PPM1L: variants seen among roughly 807,000 people sequenced by gnomAD.
The protein encoded by PPM1L is protein phosphatase 1L.
PPM1L carries 13 observed loss-of-function variants against 31.4 expected under a neutral mutation model. That is an observed-to-expected ratio of 0.41 (90% CI 0.27 to 0.66). PPM1L has a LOEUF of 0.66. PPM1L is among the 30% of genes least tolerant of loss of function. The pLI is 0.29. For missense variants in PPM1L, 326 were observed against 453.7 expected (o/e 0.72, Z 2.56); for synonymous variants, 184 against 175.4 (o/e 1.05, Z -0.39).
At chr3:161,053,733 C>A (rs1719337122) in intron 2 of PPM1L, among the ~76,000 whole-genome samples, 1 of 152,070 alleles carries the variant, frequency 6.6e-6, no homozygotes, top group Admixed American at 6.6e-5. Context: ...GGCACTCATC[C>A]CCTGTTTCTC....
intron 2 of PPM1L, among the ~76,000 whole-genome samples, chr3:161,019,825 T>C (rs1718190544): frequency 6.6e-6 from 1 of 152,066 alleles, no homozygotes; most frequent in South Asian, 2.1e-4. Flanking sequence ...TAAACGAAGC[T>C]AACTATAAAA....
chr3:160,981,911 C>T (rs1169314895), intron 2 of PPM1L, among the ~76,000 whole-genome samples: 3 of 151,934 alleles, frequency 2.0e-5, no homozygotes, highest in African/African-American at 4.8e-5. Flanking sequence ...TACAGGTGCA[C>T]ACCACCACAC....
intron 1 of PPM1L, among the ~76,000 whole-genome samples, chr3:160,910,064 A>G (rs1713901769): frequency 1.3e-5 from 2 of 152,174 alleles, no homozygotes; most frequent in Admixed American, 1.3e-4. Flanking sequence ...TCACAAGTGA[A>G]AGAAGGGTCT....
intron 2 of PPM1L, among the ~76,000 whole-genome samples, chr3:160,997,395 ATC>A (rs1717356801): frequency 2.0e-5 from 3 of 152,214 alleles, no homozygotes; most frequent in Non-Finnish European, 4.4e-5. Context: ...CAAATATGAT[ATC>A]TATCCACTGG....
At chr3:160,865,420 A>G (rs1337858898) in intron 1 of PPM1L, among the ~76,000 whole-genome samples, 1 of 152,222 alleles carries the variant, frequency 6.6e-6, no homozygotes, top group Non-Finnish European at 1.5e-5. Flanking sequence ...ACTTTAAAAA[A>G]TATCTTTTGC....
At chr3:160,766,470 G>T (rs1715103968) in intron 1 of PPM1L, among the ~76,000 whole-genome samples, 1 of 152,126 alleles carries the variant, frequency 6.6e-6, no homozygotes. Context: ...GTTCTCATGA[G>T]ATCTGATGGT....
chr3:160,957,496 C>T (rs1321435951), intron 1 of PPM1L, among the ~76,000 whole-genome samples: 1 of 151,982 alleles, frequency 6.6e-6, no homozygotes, highest in African/African-American at 2.4e-5. Context: ...TCCACAATGG[C>T]TGAACTAATT....
At chr3:160,890,505 ATCC>A (rs985028359) in intron 1 of PPM1L, among the ~76,000 whole-genome samples, 2 of 152,222 alleles carry the variant, frequency 1.3e-5, no homozygotes, top group African/African-American at 4.8e-5. Context: ...AAAACATTTC[ATCC>A]TCATGGATAG....
At chr3:161,026,356 A>C (rs1297255624) in intron 2 of PPM1L, among the ~76,000 whole-genome samples, 1 of 152,154 alleles carries the variant, frequency 6.6e-6, no homozygotes, top group African/African-American at 2.4e-5. Flanking sequence ...AGCTGGGAAG[A>C]CCTCTCAGAA....
intron 1 of PPM1L, among the ~76,000 whole-genome samples, chr3:160,862,906 A>C (rs1043258439): frequency 2.0e-5 from 3 of 152,204 alleles, no homozygotes; most frequent in Non-Finnish European, 4.4e-5. Flanking sequence ...AATTTATTAT[A>C]AATTATAGGT....
chr3:161,037,506 C>A (rs1228042140), intron 2 of PPM1L, among the ~76,000 whole-genome samples: 1 of 150,128 alleles, frequency 6.7e-6, no homozygotes, highest in Non-Finnish European at 1.5e-5. Flanking sequence ...CCTCCACCTC[C>A]CAGGTTCAAG....
intron 1 of PPM1L, among the ~76,000 whole-genome samples, chr3:160,895,520 C>T (rs1194079530): frequency 1.3e-5 from 2 of 152,126 alleles, no homozygotes; most frequent in African/African-American, 2.4e-5. Context: ...GCCCAGCCCA[C>T]CTGCTGTTTT....
intron 2 of PPM1L, among the ~76,000 whole-genome samples, chr3:161,017,239 C>T (rs1718112068): frequency 6.6e-6 from 1 of 152,026 alleles, no homozygotes; most frequent in Admixed American, 6.6e-5. Context: ...ATTTTAAAAT[C>T]AGTGCCATGG....
At chr3:160,773,196 G>C (rs930025730) in intron 1 of PPM1L, among the ~76,000 whole-genome samples, 4 of 152,198 alleles carry the variant, frequency 2.6e-5, no homozygotes, top group Non-Finnish European at 5.9e-5. Context: ...CATTGTAGTA[G>C]GTGTGAAGCA....
At chr3:160,855,830 T>C (rs1029305019) in intron 1 of PPM1L, among the ~76,000 whole-genome samples, 4 of 152,076 alleles carry the variant, frequency 2.6e-5, no homozygotes, top group Admixed American at 6.6e-5. Flanking sequence ...AAAACAGAAC[T>C]CCCATTCGAC....
intron 1 of PPM1L, among the ~76,000 whole-genome samples, chr3:160,774,624 G>A (rs1263945678): frequency 1.3e-5 from 2 of 152,058 alleles, no homozygotes; most frequent in Non-Finnish European, 2.9e-5. Flanking sequence ...GCAAAAGTCC[G>A]CACTACAGCA....
chr3:161,022,921 C>T (rs1157446276), intron 2 of PPM1L, among the ~76,000 whole-genome samples: 1 of 152,128 alleles, frequency 6.6e-6, no homozygotes, highest in Non-Finnish European at 1.5e-5. Context: ...GCCTTGGCCT[C>T]CCAAAGTGCT....
chr3:161,065,295 A>C, intron 2 of PPM1L, 108 bp from the exon 3 acceptor site: 1 of 1,078,260 alleles, frequency 9.3e-7, no homozygotes, highest in East Asian at 2.4e-5. Flanking sequence ...TCAAATTCTC[A>C]CCCAGCAGAA....
rs564739299 is a variant in PPM1L, at chr3:160,985,772, G to A, written c.574+23862G>A. 2.0e-5 allele frequency among the ~76,000 whole-genome samples: 3 copies of A among 152,116 alleles called. No homozygotes were observed. In the South Asian group the frequency reaches 6.2e-4, roughly 32 times the overall value. The stretch of plus-strand genomic sequence containing the variant: ...GATAATGCTGTGCAAAGGAGCTAAA[G>A]TATCCTCTCTAAAAATATTTTTTTT... On this transcript the variant is annotated intron_variant, in intron 2 of 3. Transcript: ENST00000498165.
Sources: gnomAD v4.1 joint callset for allele counts (sites outside exome capture counted in the v4.1 genomes callset) on GRCh38, gnomAD v4.1.1 for gene constraint, MANE v1.5 for transcripts, NCBI Gene and HGNC (gene_info 2026-07-23, HGNC 2026-07-21) for gene names.